Variants in C8orf34 observed in about 807,000 individuals in gnomAD.
The protein encoded by C8orf34 is chromosome 8 open reading frame 34, also known as uncharacterized protein C8orf34.
A neutral mutation model predicts 68.3 loss-of-function variants in C8orf34; 65 were observed. That is an observed-to-expected ratio of 0.95 (90% CI 0.78 to 1.17). The LOEUF (loss-of-function observed/expected upper bound fraction) is 1.17, where lower values mean the gene tolerates loss of function less well. Ranked by LOEUF, C8orf34 falls within the 50% of genes most tolerant of loss-of-function variation. The pLI is 0.00. For synonymous variants in C8orf34, 244 were observed against 241.2 expected, an observed-to-expected ratio of 1.01 and a Z score of -0.11; for missense variants, 664 against 655.4, an observed-to-expected ratio of 1.01 and a Z score of -0.14.
intron 7 of C8orf34, among the ~76,000 whole-genome samples, chr8:68,587,734 C>T (rs1817249994): frequency 6.6e-6 from 1 of 152,060 alleles, no homozygotes; most frequent in Admixed American, 6.6e-5. Flanking sequence ...ATAACAACAA[C>T]ATTCAACTGC....
chr8:68,448,346 C>CT (rs79453135), intron 3 of C8orf34, among the ~76,000 whole-genome samples: 48 of 151,198 alleles, frequency 3.2e-4, no homozygotes, highest in South Asian at 1.7e-3. Flanking sequence ...AAATAGCATA[C>CT]TTTTTTTTAA....
chr8:68,703,876 G>A (rs60704896), intron 8 of C8orf34, among the ~76,000 whole-genome samples: 11,502 of 152,074 alleles, frequency 0.076, 645 homozygotes, highest in African/African-American at 0.16. Flanking sequence ...GCATTGGGGA[G>A]GACCAAGCTA....
chr8:68,616,748 G>GA (rs1332737101), intron 7 of C8orf34, among the ~76,000 whole-genome samples: 2 of 152,034 alleles, frequency 1.3e-5, no homozygotes. Flanking sequence ...GTGTGGTGCT[G>GA]AAAAAAATGT....
chr8:68,589,604 A>G (rs60863718), intron 7 of C8orf34, among the ~76,000 whole-genome samples: 26 of 71,536 alleles, frequency 3.6e-4, no homozygotes, highest in African/African-American at 8.4e-4. Context: ...AAGGAAGGAA[A>G]GAAAGAAGGA....
chr8:68,652,130 ATGCCTGACAG>A (rs1283900555), intron 8 of C8orf34, among the ~76,000 whole-genome samples: 1 of 152,208 alleles, frequency 6.6e-6, no homozygotes, highest in African/African-American at 2.4e-5. Flanking sequence ...CTTAAGCAAG[ATGCCTGACAG>A]AGGAGAGGAA....
chr8:68,638,103 A>G (rs976966276), intron 7 of C8orf34, among the ~76,000 whole-genome samples: 4 of 152,212 alleles, frequency 2.6e-5, no homozygotes, highest in African/African-American at 4.8e-5. Context: ...TCTTGATCCA[A>G]TATGGTGGGC....
chr8:68,724,425 C>G (rs995970604), intron 10 of C8orf34, among the ~76,000 whole-genome samples: 1 of 152,120 alleles, frequency 6.6e-6, no homozygotes, highest in Non-Finnish European at 1.5e-5. Context: ...TGCTAACTTT[C>G]CATGTTGAAT....
chr8:68,371,743 G>C (rs968589945), intron 1 of C8orf34, among the ~76,000 whole-genome samples: 1 of 151,962 alleles, frequency 6.6e-6, no homozygotes, highest in Non-Finnish European at 1.5e-5. Context: ...GGGATTACAG[G>C]CATGCACCAC....
intron 10 of C8orf34, among the ~76,000 whole-genome samples, chr8:68,742,701 C>T (rs1822338643): frequency 6.6e-6 from 1 of 152,202 alleles, no homozygotes; most frequent in Non-Finnish European, 1.5e-5. Flanking sequence ...TTGCCCTTAC[C>T]TGTCTTCTGC....
intron 4 of C8orf34, among the ~76,000 whole-genome samples, chr8:68,473,855 T>C (rs1329551535): frequency 6.6e-6 from 1 of 152,196 alleles, no homozygotes; most frequent in Non-Finnish European, 1.5e-5. Flanking sequence ...CCAGTCTTCA[T>C]GTTACAAAAT....
chr8:68,542,635 T>C lies in C8orf34; in HGVS notation c.1105+9486T>C, dbSNP rs112195903. On this transcript the variant is annotated intron_variant, in intron 7 of 13. Coordinates refer to ENST00000518698, the MANE Select transcript of C8orf34 (RefSeq NM_052958.4). ...CAAGCAAGTTCTGTGCAACTCTATT[T>C]TGATAAGGAAAATTGAGAATGTGAG... 1.8e-3 allele frequency among the ~76,000 whole-genome samples: 267 copies of C among 152,296 alleles called. 3 individuals are homozygous for C. Among genetic ancestry groups the C allele is most frequent in the African/African-American group, 5.8e-3 (240 of 41,562 alleles).
intron 10 of C8orf34, among the ~76,000 whole-genome samples, chr8:68,773,525 C>G (rs1455131940): frequency 1.3e-5 from 2 of 151,978 alleles, no homozygotes; most frequent in African/African-American, 2.4e-5. Context: ...CTCAGCCTCC[C>G]GAGTAGCTAG....
chr8:68,563,481 A>G (rs1816494017), intron 7 of C8orf34, among the ~76,000 whole-genome samples: 1 of 152,138 alleles, frequency 6.6e-6, no homozygotes, highest in Non-Finnish European at 1.5e-5. Context: ...GGAAGTTTAA[A>G]ATAAAAACAC....
At chr8:68,533,655 A>G in intron 7 of C8orf34, 1 of 979,116 alleles carries the variant, frequency 1.0e-6, no homozygotes, top group Non-Finnish European at 1.2e-6. Context: ...GAGATTTCAA[A>G]GTTTCTTCAG....
At chr8:68,679,420 T>G (rs1820296483) in intron 8 of C8orf34, among the ~76,000 whole-genome samples, 1 of 151,212 alleles carries the variant, frequency 6.6e-6, no homozygotes, top group South Asian at 2.1e-4. Context: ...ATGAAAAAAA[T>G]TTAAGAGGAC....
chr8:68,473,946 C>T (rs992114646), intron 4 of C8orf34, among the ~76,000 whole-genome samples: 1 of 152,172 alleles, frequency 6.6e-6, no homozygotes, highest in African/African-American at 2.4e-5. Context: ...TGCTGGCCCT[C>T]CATCCTCTTT....
intron 7 of C8orf34, among the ~76,000 whole-genome samples, chr8:68,572,824 C>G (rs1338509837): frequency 6.6e-6 from 1 of 152,072 alleles, no homozygotes; most frequent in Non-Finnish European, 1.5e-5. Context: ...ATCTGACAGA[C>G]AGATTTTATG....
At chr8:68,772,480 TC>T (rs1355209622) in intron 10 of C8orf34, among the ~76,000 whole-genome samples, 7 of 152,176 alleles carry the variant, frequency 4.6e-5, no homozygotes, top group African/African-American at 1.7e-4. Context: ...AGAGCCTTCA[TC>T]TCTGACAGGC....
chr8:68,751,882 A>T lies in C8orf34; in HGVS notation c.1405-24517A>T, dbSNP rs188656260. ...TAAAATATATATTTGAATTTTAAAA[A>T]ATTATTATATTACAAATAAACTCAA... On this transcript the variant is annotated intron_variant, in intron 10 of 13. Transcript: ENST00000518698. Among the ~76,000 whole-genome samples, 816 of 151,292 alleles carry T rather than the reference A, an allele frequency of 5.4e-3. 9 individuals carry two copies. Among genetic ancestry groups the T allele is most frequent in the African/African-American group, 0.017 (724 of 41,408 alleles).
Sources: gnomAD v4.1 joint callset for allele counts (sites outside exome capture counted in the v4.1 genomes callset) on GRCh38, gnomAD v4.1.1 for gene constraint, MANE v1.5 for transcripts, NCBI Gene and HGNC (gene_info 2026-07-23, HGNC 2026-07-21) for gene names.